UBAC1: variants seen among roughly 807,000 people sequenced by gnomAD.
UBAC1 encodes the protein UBA domain containing 1.
UBAC1 carries 27 observed loss-of-function variants against 45.9 expected under a neutral mutation model. The ratio of observed to expected loss-of-function variants is 0.59; its 90% CI spans 0.43 to 0.81. The LOEUF (loss-of-function observed/expected upper bound fraction) is 0.81. Ranked by LOEUF, UBAC1 falls within the 30% of genes least tolerant of loss-of-function variation. UBAC1 has a pLI of 0.00. For missense variants in UBAC1, 529 were observed against 539.2 expected (o/e 0.98, Z 0.19); for synonymous variants, 227 against 215.5 (o/e 1.05, Z -0.47).
rs533050243 is a variant in UBAC1, at chr9:135,936,321, C to T, written c.1102+1901G>A. On this transcript the variant is annotated intron_variant, in intron 9 of 9. Coordinates refer to ENST00000371756, the MANE Select transcript of UBAC1 (RefSeq NM_016172.3). The stretch of plus-strand genomic sequence containing the variant: ...GAATCACTAAGAATAAAAATAAACT[C>T]ACAAAAGACCATTCTCAAGTTTTAG... 2.6e-5 allele frequency among the ~76,000 whole-genome samples: 4 copies of T among 152,182 alleles called. No individual in the cohort carries two copies. The South Asian group carries it at 8.3e-4, about 32-fold the overall frequency.
rs1456143213 is a variant in UBAC1, at chr9:135,950,415, T to A, written c.334-2510A>T. Reference sequence around the variant, plus strand: ...GATCTGGAGGGAGGGAACACCCCAGTGACCTAACATCTGTGACCACGTTTC... The same window carrying A: ...GATCTGGAGGGAGGGAACACCCCAGAGACCTAACATCTGTGACCACGTTTC... On this transcript the variant is annotated intron_variant, in intron 3 of 9. Coordinates refer to ENST00000371756, the MANE Select transcript of UBAC1 (RefSeq NM_016172.3). Among the ~76,000 whole-genome samples the A allele has an allele frequency of 2.6e-5, 4 of 152,162 alleles. No homozygotes were observed. The East Asian group carries it at 7.7e-4, about 29-fold the overall frequency.
At chr9:135,948,513 T>C (rs1412448855) in intron 3 of UBAC1, among the ~76,000 whole-genome samples, 1 of 152,202 alleles carries the variant, frequency 6.6e-6, no homozygotes, top group African/African-American at 2.4e-5. Context: ...CCTCAGGAGC[T>C]AGCGCTCCAT....
At position 135,939,766 on chromosome 9, in the gene UBAC1, G is replaced by A; in HGVS notation, c.877-7C>T. 6.2e-7 allele frequency: 1 copy of A among 1,612,092 alleles called. No individual in the cohort carries two copies. Among genetic ancestry groups the A allele is most frequent in the Non-Finnish European group, 8.5e-7 (1 of 1,178,680 alleles). On this transcript the variant is annotated splice_polypyrimidine_tract_variant and splice_region_variant and intron_variant, in intron 7 of 9. Coordinates refer to ENST00000371756, the MANE Select transcript of UBAC1 (RefSeq NM_016172.3). ...CCATCAGGGAAATGACGGCCTAGAG[G>A]ACAGCACAGCCGTTAGCTCGCTGGG... is the stretch of plus-strand genomic sequence containing the variant.
intron 9 of UBAC1, among the ~76,000 whole-genome samples, chr9:135,937,851 C>T (rs947701792): frequency 6.6e-6 from 1 of 152,194 alleles, no homozygotes; most frequent in Non-Finnish European, 1.5e-5. Context: ...CCATTGCCAT[C>T]GAAGACCCTG....
Position 135,955,326 on chromosome 9 carries a change from C to G in UBAC1, c.228G>C (p.Arg76Ser). The change falls in exon 2 of 10, where the codon AGG becomes AGC. Residue 76 changes from arginine (R) to serine (S), a missense_variant. Physicochemically the swap from Arg to Ser is moderately radical, Grantham distance 110. Coordinates refer to ENST00000371756, the MANE Select transcript of UBAC1 (RefSeq NM_016172.3). ...CCTGGATGTTCTCTTCCAGGATGGT[C>G]CTGGCATCACTCAGCACCCTCTCTG... ...AASERVLSDA[R>S]TILEENIQDQ... 2 of 1,602,620 alleles carry G rather than the reference C, an allele frequency of 1.2e-6. No homozygotes were observed. The highest frequency in any genetic ancestry group is 1.7e-6 in the Non-Finnish European group (2 of 1,176,910).
intron 3 of UBAC1, among the ~76,000 whole-genome samples, chr9:135,950,565 G>A (rs1381574487): frequency 1.3e-5 from 2 of 152,184 alleles, no homozygotes; most frequent in Non-Finnish European, 2.9e-5. Context: ...TGTGTAAGAA[G>A]GATAGATAAT....
chr9:135,934,736 C>T (rs1048487818), intron 9 of UBAC1, among the ~76,000 whole-genome samples: 1 of 152,190 alleles, frequency 6.6e-6, no homozygotes, highest in Non-Finnish European at 1.5e-5. Flanking sequence ...GTTTCACACA[C>T]AGGGCGGGGA....
Position 135,947,889 on chromosome 9 carries a change from T to C in UBAC1, c.350A>G (p.Lys117Arg), listed in dbSNP as rs2131088866. 6.2e-7 allele frequency: 1 copy of C among 1,614,010 alleles called. No individual in the cohort carries two copies. Among genetic ancestry groups the C allele is most frequent in the African/African-American group, 1.3e-5 (1 of 75,032 alleles). The stretch of plus-strand genomic sequence containing the variant: ...CAGTATGGCCTCTTTATCTGGAGCT[T>C]TCTGGTCTTGTTTTTTCTACACAGA... ...SAEEKKKQDQ[K>R]APDKEAILRA... The change falls in exon 4 of 10, where the codon AAA becomes AGA. Residue 117 changes from lysine to arginine, a missense_variant. By Grantham distance (26) the Lys-to-Arg change is conservative. Transcript: ENST00000371756.
chr9:135,934,532 C>T (rs1588528713), intron 9 of UBAC1, among the ~76,000 whole-genome samples: 2 of 152,194 alleles, frequency 1.3e-5, no homozygotes, highest in South Asian at 2.1e-4. Flanking sequence ...TGGTGGCAGG[C>T]GCCTATAATC....
rs1323902192 is a variant in UBAC1 at position 135,946,297 on chromosome 9, A to G, written c.516T>C (p.Asp172=). ...TCGCCTTCTTAAACAATTCCACTGC[A>G]TCTGGGTTCAGCGCTAACAGCTTCT... is the stretch of plus-strand genomic sequence containing the variant. ...VAQKLLALNP[D]AVELFKKANA... The change falls in exon 5 of 10, where the codon GAT becomes GAC. Residue 172 remains aspartate, a synonymous_variant. Coordinates refer to ENST00000371756, the MANE Select transcript of UBAC1 (RefSeq NM_016172.3). 1.2e-6 allele frequency: 2 copies of G among 1,613,792 alleles called. No individual in the cohort carries two copies. Among genetic ancestry groups the G allele is most frequent in the East Asian group, 2.2e-5 (1 of 44,876 alleles).
chr9:135,939,856 G>A, intron 7 of UBAC1, 97 bp from the exon 8 acceptor site: 2 of 1,020,402 alleles, frequency 2.0e-6, no homozygotes, highest in Non-Finnish European at 3.0e-6. Flanking sequence ...CACCCTAGCG[G>A]AGGGTGCTCC....
At chr9:135,939,856 G>C (rs1286209730) in intron 7 of UBAC1, 97 bp from the exon 8 acceptor site, 2 of 1,020,284 alleles carry the variant, frequency 2.0e-6, no homozygotes, top group Non-Finnish European at 3.0e-6. Context: ...CACCCTAGCG[G>C]AGGGTGCTCC....
chr9:135,953,296 A>G (rs1365798210), intron 3 of UBAC1, among the ~76,000 whole-genome samples: 1 of 152,040 alleles, frequency 6.6e-6, no homozygotes, highest in African/African-American at 2.4e-5. Context: ...CTTCTTTATA[A>G]TTCTTTTTTT....
chr9:135,961,321 G>T lies in UBAC1; in HGVS notation c.-159C>A. 3 of 479,136 alleles carry T rather than the reference G, an allele frequency of 6.3e-6. No individual in the cohort carries two copies. Among genetic ancestry groups the T allele is most frequent in the Non-Finnish European group, 8.3e-6 (3 of 362,842 alleles). The allele number at this position is 479,136 out of a possible 1,614,324, so 29.7% of individuals were successfully genotyped here. On this transcript the variant is annotated 5_prime_UTR_variant, in exon 1 of 10. Transcript: ENST00000371756. The stretch of plus-strand genomic sequence containing the variant: ...CGGCCGGGCCGCCGTCACTCTCCGC[G>T]GCCTCAGCGGTCGCCTCGCTCCCGC...
chr9:135,951,878 A>G (rs1839409677), intron 3 of UBAC1, among the ~76,000 whole-genome samples: 1 of 152,166 alleles, frequency 6.6e-6, no homozygotes, highest in African/African-American at 2.4e-5. Flanking sequence ...ACATCTTACA[A>G]TGTTTCAGTT....
chr9:135,950,922 A>C (rs1839399592), intron 3 of UBAC1, among the ~76,000 whole-genome samples: 1 of 152,100 alleles, frequency 6.6e-6, no homozygotes, highest in South Asian at 2.1e-4. Context: ...GTGAGACCCC[A>C]TGTCTACAAA....
intron 7 of UBAC1, among the ~76,000 whole-genome samples, chr9:135,940,280 G>GA (rs11435128): frequency 0.52 from 78,117 of 149,164 alleles, 20,353 homozygotes; most frequent in Admixed American, 0.56. Context: ...TTTTATCTTA[G>GA]AAAAAAAAAA....
At chr9:135,947,773 G>A (rs201066242) in intron 4 of UBAC1, 25 bp downstream of exon 4, 128 of 1,593,826 alleles carry the variant, frequency 8.0e-5, no homozygotes, top group East Asian at 7.2e-4. Context: ...CCATGCACCC[G>A]CCGCCGCTCT....
chr9:135,946,588 G>A (rs1362924015), intron 4 of UBAC1, among the ~76,000 whole-genome samples: 1 of 152,214 alleles, frequency 6.6e-6, no homozygotes, highest in African/African-American at 2.4e-5. Flanking sequence ...GGACAGGAAC[G>A]CCTGGTGACG....
Sources: allele counts gnomAD v4.1 joint callset (sites outside exome capture counted in the v4.1 genomes callset), GRCh38; gene constraint gnomAD v4.1.1; transcripts MANE v1.5; gene names NCBI Gene and HGNC (gene_info 2026-07-23, HGNC 2026-07-21).